Variants in SPATA13 observed in about 807,000 individuals in gnomAD.
SPATA13 encodes spermatogenesis associated 13, also known as spermatogenesis-associated protein 13.
Under a neutral mutation model 104.0 loss-of-function variants are expected in SPATA13, and 50 were observed. The ratio of observed to expected loss-of-function variants is 0.48; its 90% CI spans 0.38 to 0.61. The LOEUF is 0.61. Among genes scored for constraint, SPATA13 ranks in the 20% least tolerant of loss-of-function variants. SPATA13 has a pLI of 0.00. For synonymous variants in SPATA13, 606 were observed against 667.5 expected (o/e 0.91, Z 1.42); for missense variants, 1,524 against 1,690.6 (o/e 0.90, Z 1.73).
chr13:24,224,351 T>C lies in SPATA13; in HGVS notation c.1422T>C (p.Pro474=), dbSNP rs771197360. ...CCACCACACCCAAGCCCCAGAGCCC[T>C]CAGAGCCCCCAGAGCCCCGGGGCAG... The part of the protein sequence containing the change: ...LRPTTPKPQS[P]QSPQSPGAGS... Residue 474 remains proline (P), a synonymous_variant, in exon 2 of 13, where the codon CCT becomes CCC. Transcript: ENST00000382108. 27 of 1,551,348 alleles carry C rather than the reference T, an allele frequency of 1.7e-5. No individual in the cohort carries two copies. Among genetic ancestry groups the C allele is most frequent in the South Asian group, 1.5e-4 (13 of 84,040 alleles).
At chr13:24,174,375 G>C (rs918786076) in intron 1 of SPATA13, among the ~76,000 whole-genome samples, 4 of 151,148 alleles carry the variant, frequency 2.6e-5, no homozygotes, top group Admixed American at 1.3e-4. Flanking sequence ...GCTTGCTTTA[G>C]GCTTAGTTTG....
intron 10 of SPATA13, among the ~76,000 whole-genome samples, chr13:24,295,279 A>T (rs1159734085): frequency 6.6e-6 from 1 of 152,042 alleles, no homozygotes; most frequent in South Asian, 2.1e-4. Flanking sequence ...TTGGGGAGGA[A>T]AATATTACCT....
Position 24,068,443 on chromosome 13 carries a change from G to A in SPATA13, c.-112+50742G>A, listed in dbSNP as rs116837499. Among the ~76,000 whole-genome samples, 1,459 of 152,226 alleles carry A rather than the reference G, an allele frequency of 9.6e-3. 31 individuals carry two copies. The highest frequency in any genetic ancestry group is 0.034 in the African/African-American group (1,394 of 41,528). On this transcript the variant is annotated intron_variant, in intron 3 of 14. Coordinates refer to the SPATA13 transcript ENST00000424834. ...AATTAGTGCTGTGCTGAACATACAC[G>A]TGCTTGTGTCTTTATAATAGAACAA...
At chr13:24,198,129 G>T (rs1870177228) in intron 1 of SPATA13, among the ~76,000 whole-genome samples, 1 of 152,060 alleles carries the variant, frequency 6.6e-6, no homozygotes, top group Non-Finnish European at 1.5e-5. Context: ...CCGAGTAGCT[G>T]GGATTACAGG....
At chr13:24,078,231 C>T (rs1879395902) in intron 3 of SPATA13, among the ~76,000 whole-genome samples, 1 of 152,132 alleles carries the variant, frequency 6.6e-6, no homozygotes, top group Admixed American at 6.5e-5. Context: ...TCATACCAAG[C>T]AGGATCAAGA....
chr13:24,245,283 TA>T (rs60387853), intron 2 of SPATA13, among the ~76,000 whole-genome samples: 8,503 of 142,952 alleles, frequency 0.059, 686 homozygotes, highest in African/African-American at 0.19. Context: ...AAACTTTGCT[TA>T]AAAAAAAAAA....
At chr13:24,091,253 A>G (rs970476554) in intron 3 of SPATA13, among the ~76,000 whole-genome samples, 4 of 152,216 alleles carry the variant, frequency 2.6e-5, no homozygotes, top group Non-Finnish European at 5.9e-5. Flanking sequence ...TTGGGCATAC[A>G]CACAGCCGTG....
intron 3 of SPATA13, among the ~76,000 whole-genome samples, chr13:24,063,648 G>A (rs1262314612): frequency 6.6e-6 from 1 of 152,192 alleles, no homozygotes; most frequent in Non-Finnish European, 1.5e-5. Flanking sequence ...CCACTCAAGT[G>A]GGGGCGGCTC....
intron 3 of SPATA13, among the ~76,000 whole-genome samples, chr13:24,040,972 A>G (rs983511105): frequency 6.6e-6 from 1 of 152,186 alleles, no homozygotes; most frequent in African/African-American, 2.4e-5. Flanking sequence ...GGGAACGAAC[A>G]ATGAGGCCAG....
Position 24,222,825 on chromosome 13 carries a change from G to C in SPATA13, c.-105G>C, listed in dbSNP as rs1315024262. The C allele has an allele frequency of 1.3e-6, 2 of 1,518,516 alleles. No homozygotes were observed. The highest frequency in any genetic ancestry group is 8.9e-7 in the Non-Finnish European group (1 of 1,127,496). The allele number at this position is 1,518,516 out of a possible 1,614,324, so 94.1% of individuals were successfully genotyped here. A position where few individuals can be genotyped will look rare whatever the true frequency, so the allele number is the denominator to read the frequency against. ...GCTTTGTCTTTCACTGCAGCCCGTGGCCACCCAGGAGCCCGATGTGCAAGG... is the reference window on the plus strand; with the variant it reads ...GCTTTGTCTTTCACTGCAGCCCGTGCCCACCCAGGAGCCCGATGTGCAAGG... On this transcript the variant is annotated 5_prime_UTR_variant, in exon 2 of 13. Coordinates refer to ENST00000382108, the MANE Select transcript of SPATA13 (RefSeq NM_001166271.3).
intron 3 of SPATA13, among the ~76,000 whole-genome samples, chr13:24,069,103 G>C (rs1020719246): frequency 6.6e-6 from 1 of 152,000 alleles, no homozygotes; most frequent in Non-Finnish European, 1.5e-5. Context: ...TTGGCTGTTT[G>C]GGCTCTTTTT....
rs775826323 is a variant in SPATA13 at position 24,249,832 on chromosome 13, T to A, written c.2009T>A (p.Leu670His). ...GTNQTEELDN[L>H]LTQPASRPPM... is the part of the protein sequence containing the mutation. ...AACCAGACGGAGGAACTGGACAATC[T>A]TCTGACCCAAGTAAGATCTGGTGTG... is the stretch of plus-strand genomic sequence containing the variant. The change falls in exon 3 of 13, where the codon CTT (leucine) becomes CAT (histidine). Residue 670 changes from leucine (L) to histidine (H), a missense_variant. By Grantham distance (99) the Leu-to-His change is moderately conservative. Around this residue, in one of 2 missense-constraint regions of SPATA13, gnomAD observed 1,089 missense variants for 1,135.9 expected, o/e 0.96. Transcript: ENST00000382108. 3.1e-6 allele frequency: 5 copies of A among 1,601,478 alleles called. No individual in the cohort carries two copies. Among genetic ancestry groups the A allele is most frequent in the Non-Finnish European group, 4.3e-6 (5 of 1,173,268 alleles).
chr13:24,172,986 T>C (rs144483316), intron 1 of SPATA13, among the ~76,000 whole-genome samples: 28 of 152,342 alleles, frequency 1.8e-4, no homozygotes, highest in Admixed American at 7.2e-4. Flanking sequence ...TCATCAGCAT[T>C]GTACGGCTTT....
At chr13:24,233,789 C>T (rs1485994218) in intron 2 of SPATA13, among the ~76,000 whole-genome samples, 1 of 152,008 alleles carries the variant, frequency 6.6e-6, no homozygotes, top group Admixed American at 6.5e-5. Context: ...TTGTGAAGTT[C>T]TAGCCAGAGT....
intron 3 of SPATA13, among the ~76,000 whole-genome samples, chr13:24,129,782 G>A (rs1044353103): frequency 6.6e-6 from 1 of 152,226 alleles, no homozygotes; most frequent in Non-Finnish European, 1.5e-5. Flanking sequence ...TTACCATGTG[G>A]CCAAAGCCTG....
chr13:24,180,406 A>G (rs1354517758), intron 1 of SPATA13, among the ~76,000 whole-genome samples: 3 of 152,192 alleles, frequency 2.0e-5, no homozygotes, highest in Admixed American at 6.5e-5. Flanking sequence ...GCTTTATAGT[A>G]AGCTTTGAAA....
rs145656991 is a variant in SPATA13 at position 24,297,451 on chromosome 13, C to T, written c.3299C>T (p.Thr1100Met). 173 of 1,614,186 alleles carry T rather than the reference C, an allele frequency of 1.1e-4. 1 individual carries two copies. In the South Asian group the frequency reaches 1.2e-3, roughly 11 times the overall value. ...AAGCAAGGCAAAAGCCAGCAGCGGACGTTCTTCCTGTTTGACCACCAGCTG... is the reference window on the plus strand; with the variant it reads ...AAGCAAGGCAAAAGCCAGCAGCGGATGTTCTTCCTGTTTGACCACCAGCTG... ...ITKQGKSQQRTFFLFDHQLVS... is the reference protein window; with the variant it reads ...ITKQGKSQQRMFFLFDHQLVS... The change falls in exon 11 of 13, where the codon ACG becomes ATG. Residue 1100 changes from threonine to methionine, a missense_variant. Physicochemically the swap from Thr to Met is moderately conservative, Grantham distance 81 (BLOSUM62 -1). Around this residue, in one of 2 missense-constraint regions of SPATA13, gnomAD observed 435 missense variants for 554.8 expected, o/e 0.78. Coordinates refer to ENST00000382108, the MANE Select transcript of SPATA13 (RefSeq NM_001166271.3).
intron 8 of SPATA13, among the ~76,000 whole-genome samples, chr13:24,289,694 A>C (rs1467898385): frequency 6.6e-6 from 1 of 152,224 alleles, no homozygotes. Context: ...TCCAGGACGC[A>C]TGGTTGTGAT....
At chr13:24,172,840 G>C (rs892568535) in intron 1 of SPATA13, among the ~76,000 whole-genome samples, 1 of 152,154 alleles carries the variant, frequency 6.6e-6, no homozygotes, top group Non-Finnish European at 1.5e-5. Context: ...TGTTAGAATA[G>C]TCGTCTCTCC....
Sources: gnomAD v4.1 joint callset for allele counts (sites outside exome capture counted in the v4.1 genomes callset) on GRCh38, gnomAD v4.1.1 for gene constraint, gnomAD v4.1.1 regional missense constraint, MANE v1.5 for transcripts, NCBI Gene and HGNC (gene_info 2026-07-23, HGNC 2026-07-21) for gene names.